Variants in UBAP2L observed in about 807,000 individuals in gnomAD.
UBAP2L encodes the protein ubiquitin-associated protein 2-like.
Under a neutral mutation model 130.6 loss-of-function variants are expected in UBAP2L, and 12 were observed. That is an observed-to-expected ratio of 0.09 (90% confidence interval 0.06 to 0.15). UBAP2L has a LOEUF of 0.15. Ranked by LOEUF, UBAP2L falls within the 10% of genes least tolerant of loss-of-function variation. The pLI is 1.00. For synonymous variants in UBAP2L, 503 were observed against 524.7 expected, an observed-to-expected ratio of 0.96 and a Z score of 0.57; for missense variants, 965 against 1,332.5, an observed-to-expected ratio of 0.72 and a Z score of 4.29.
chr1:154,257,303 T>TA, intron 19 of UBAP2L, 43 bp from the exon 20 acceptor site: 1 of 1,614,000 alleles, frequency 6.2e-7, no homozygotes, highest in Non-Finnish European at 8.5e-7. Context: ...ATGGAGGAGG[T>TA]AAGTAATTGT....
chr1:154,233,981 C>A (rs1670788440), intron 4 of UBAP2L, among the ~76,000 whole-genome samples: 1 of 151,796 alleles, frequency 6.6e-6, no homozygotes, highest in South Asian at 2.1e-4. Flanking sequence ...TCTTTGTAAT[C>A]CTCTTGGAAG....
chr1:154,261,132 T>A, intron 23 of UBAP2L, 23 bp downstream of exon 23: 1 of 1,608,304 alleles, frequency 6.2e-7, no homozygotes, highest in Non-Finnish European at 8.5e-7. Context: ...CTTTGGTCAC[T>A]CCTTGTGGTG....
At chr1:154,235,613 G>A (rs1429809219) in intron 6 of UBAP2L, among the ~76,000 whole-genome samples, 6 of 152,224 alleles carry the variant, frequency 3.9e-5, no homozygotes, top group Admixed American at 3.3e-4. Context: ...GGGTTCAAGC[G>A]ATTCTTCTGC....
intron 24 of UBAP2L, among the ~76,000 whole-genome samples, chr1:154,264,148 A>G (rs114319348): frequency 0.013 from 1,993 of 152,316 alleles, 59 homozygotes; most frequent in African/African-American, 0.046. Context: ...AGCATACAAC[A>G]TTAGCCCTTT....
chr1:154,255,984 A>T lies in UBAP2L; in HGVS notation c.2157+229A>T, dbSNP rs142813088. Among the ~76,000 whole-genome samples, 82 of 152,244 alleles carry T rather than the reference A, an allele frequency of 5.4e-4. No homozygotes were observed. In the Middle Eastern group the frequency reaches 0.014, roughly 25 times the overall value. Reference sequence around the variant, plus strand: ...TAAAAGCCCTGAAAGTGACTTTCTGATTTTTTTCCCCTACTGAATATATAG... The same window carrying T: ...TAAAAGCCCTGAAAGTGACTTTCTGTTTTTTTTCCCCTACTGAATATATAG... On this transcript the variant is annotated intron_variant, in intron 18 of 26. Coordinates refer to ENST00000428931, the MANE Select transcript of UBAP2L (RefSeq NM_014847.4).
intron 8 of UBAP2L, 57 bp from the exon 9 acceptor site, chr1:154,241,456 A>G (rs377444909): frequency 1.5e-4 from 238 of 1,555,360 alleles, no homozygotes; most frequent in Middle Eastern, 3.4e-4. Flanking sequence ...TTTTCTATAC[A>G]TGCTTTGTAC....
chr1:154,266,043 G>C (rs1217746212), intron 24 of UBAP2L, among the ~76,000 whole-genome samples: 1 of 152,192 alleles, frequency 6.6e-6, no homozygotes, highest in Non-Finnish European at 1.5e-5. Context: ...TTATGCAGTG[G>C]AGGCATGGAT....
chr1:154,266,275 C>T (rs916144213), intron 24 of UBAP2L, among the ~76,000 whole-genome samples: 1 of 152,122 alleles, frequency 6.6e-6, no homozygotes, highest in African/African-American at 2.4e-5. Flanking sequence ...ACTTACCTCA[C>T]TCTCTCTCAC....
At chr1:154,229,590 AGT>A in intron 4 of UBAP2L, among the ~76,000 whole-genome samples, 1 of 151,912 alleles carries the variant, frequency 6.6e-6, no homozygotes, top group African/African-American at 2.4e-5. Flanking sequence ...CAGCCTCCTG[AGT>A]AGCTGGGACC....
chr1:154,220,693 G>T, upstream of UBAP2L: 1 of 469,088 alleles, frequency 2.1e-6, no homozygotes. Flanking sequence ...AGAGGAAGCG[G>T]CGGCCATCCG....
intron 8 of UBAP2L, 69 bp downstream of exon 8, chr1:154,237,205 T>G: frequency 1.4e-6 from 2 of 1,387,654 alleles, no homozygotes; most frequent in South Asian, 2.4e-5. Context: ...CTGATTATAC[T>G]TACATTAAAA....
At chr1:154,225,565 G>T (rs1215214654) in intron 2 of UBAP2L, among the ~76,000 whole-genome samples, 1 of 152,024 alleles carries the variant, frequency 6.6e-6, no homozygotes, top group Non-Finnish European at 1.5e-5. Flanking sequence ...AACCTCTGGG[G>T]CTTAAGTGAT....
chr1:154,254,974 G>T, intron 16 of UBAP2L, 84 bp downstream of exon 16: 1 of 1,492,092 alleles, frequency 6.7e-7, no homozygotes. Context: ...CCCTTCACTG[G>T]ACAATTGAGA....
At chr1:154,257,525 C>A in intron 20 of UBAP2L, 91 bp downstream of exon 20, 1 of 1,381,260 alleles carries the variant, frequency 7.2e-7, no homozygotes, top group Non-Finnish European at 1.0e-6. Flanking sequence ...CCTGTGAATA[C>A]CAAAACTTGC....
intron 21 of UBAP2L, among the ~76,000 whole-genome samples, chr1:154,259,501 T>C (rs968830748): frequency 6.6e-6 from 1 of 152,130 alleles, no homozygotes; most frequent in Non-Finnish European, 1.5e-5. Context: ...CTTTTTTTTT[T>C]CTTTTTTTAA....
chr1:154,220,198 C>G, upstream of UBAP2L: 1 of 1,050,628 alleles, frequency 9.5e-7, no homozygotes, highest in Non-Finnish European at 1.5e-6. Context: ...GTGACTTAAA[C>G]TCCCACCTAC....
intron 3 of UBAP2L, among the ~76,000 whole-genome samples, 196 bp downstream of exon 3, chr1:154,227,555 G>GT (rs764954879): frequency 3.0e-4 from 44 of 147,490 alleles, no homozygotes; most frequent in East Asian, 1.0e-3. Flanking sequence ...TTTGTTTTTT[G>GT]TTTTTTTTTC....
chr1:154,247,019 G>A (rs1675759487), intron 11 of UBAP2L, among the ~76,000 whole-genome samples: 1 of 152,090 alleles, frequency 6.6e-6, no homozygotes, highest in South Asian at 2.1e-4. Flanking sequence ...GACATCAAAG[G>A]AATCATTTAA....
At chr1:154,236,732 C>A (rs1671814875) in intron 7 of UBAP2L, 121 bp downstream of exon 7, 2 of 1,035,190 alleles carry the variant, frequency 1.9e-6, no homozygotes, top group Admixed American at 4.1e-5. Context: ...ACTTAGGGCT[C>A]ATTTCTTAGG....
Sources: gnomAD v4.1 joint callset for allele counts (sites outside exome capture counted in the v4.1 genomes callset) on GRCh38, gnomAD v4.1.1 for gene constraint, MANE v1.5 for transcripts, NCBI Gene and HGNC (gene_info 2026-07-23, HGNC 2026-07-21) for gene names.